Variants in CNTNAP5 observed in about 807,000 individuals in gnomAD.
The protein encoded by CNTNAP5 is contactin associated protein family member 5.
Under a neutral mutation model 150.2 loss-of-function variants are expected in CNTNAP5, and 72 were observed. The observed-to-expected ratio is 0.48, with a 90% CI of 0.40 to 0.58. CNTNAP5 has a LOEUF of 0.58. Ranked by LOEUF, CNTNAP5 falls within the 20% of genes least tolerant of loss-of-function variation. CNTNAP5 has a pLI of 0.00. For synonymous variants in CNTNAP5, 672 were observed against 619.8 expected, an observed-to-expected ratio of 1.08 and a Z score of -1.25; for missense variants, 1,636 against 1,626.2, an observed-to-expected ratio of 1.01 and a Z score of -0.10.
chr2:124,167,242 C>A (rs747021491), intron 1 of CNTNAP5, among the ~76,000 whole-genome samples: 11 of 152,176 alleles, frequency 7.2e-5, no homozygotes, highest in Non-Finnish European at 2.9e-5. Flanking sequence ...ACACATAATT[C>A]ATTAAAACAT....
At chr2:124,504,035 A>T (rs990103769) in intron 7 of CNTNAP5, among the ~76,000 whole-genome samples, 6 of 152,156 alleles carry the variant, frequency 3.9e-5, no homozygotes, top group Non-Finnish European at 7.3e-5. Flanking sequence ...GAAAGTGTGG[A>T]TACTTCCATC....
chr2:124,032,696 A>C (rs973599309), intron 1 of CNTNAP5, among the ~76,000 whole-genome samples: 10 of 152,168 alleles, frequency 6.6e-5, no homozygotes, highest in Non-Finnish European at 1.3e-4. Flanking sequence ...TTACATTTGT[A>C]AAATGTATTC....
At chr2:124,393,007 C>T (rs536248344) in intron 3 of CNTNAP5, among the ~76,000 whole-genome samples, 1 of 152,076 alleles carries the variant, frequency 6.6e-6, no homozygotes, top group Non-Finnish European at 1.5e-5. Flanking sequence ...ATTTTTAACT[C>T]TTATTTTATT....
At chr2:124,530,452 C>T (rs953902601) in intron 10 of CNTNAP5, among the ~76,000 whole-genome samples, 1 of 152,250 alleles carries the variant, frequency 6.6e-6, no homozygotes. Context: ...AAGACCCTGA[C>T]ACCTGCTTCC....
chr2:124,761,531 A>C (rs1680955512), intron 14 of CNTNAP5, among the ~76,000 whole-genome samples: 1 of 152,044 alleles, frequency 6.6e-6, no homozygotes, highest in Non-Finnish European at 1.5e-5. Flanking sequence ...GAATAGCATA[A>C]TTTCCTGTTG....
At chr2:124,651,311 C>A (rs1409836218) in intron 13 of CNTNAP5, among the ~76,000 whole-genome samples, 2 of 152,106 alleles carry the variant, frequency 1.3e-5, no homozygotes, top group Non-Finnish European at 2.9e-5. Flanking sequence ...GCCTTGTGGG[C>A]ATAGATTCTC....
At position 124,915,162 on chromosome 2, in the gene CNTNAP5, G is replaced by A. The variant is rs1678738156; in HGVS notation, c.*874G>A. 2 of 164,308 alleles carry A rather than the reference G, an allele frequency of 1.2e-5. No individual in the cohort carries two copies. Among genetic ancestry groups the A allele is most frequent in the African/African-American group, 4.9e-5 (2 of 40,802 alleles). The allele number at this position is 164,308 out of a possible 1,614,324, so 10.2% of individuals were successfully genotyped here. A position where few individuals can be genotyped will look rare whatever the true frequency, so the allele number is the denominator to read the frequency against. ...TATATATACACACACACACACATAT[G>A]TGTATATATGTATATATATATGTGA... On this transcript the variant is annotated 3_prime_UTR_variant, in exon 24 of 24. Transcript: ENST00000682447.
chr2:124,150,754 C>A (rs939539545), intron 1 of CNTNAP5, among the ~76,000 whole-genome samples: 27 of 152,198 alleles, frequency 1.8e-4, no homozygotes, highest in African/African-American at 5.8e-4. Flanking sequence ...AGAGGTCTAC[C>A]CTGGTGACCT....
In CNTNAP5 at chr2:124,911,634, C is replaced by G. The variant is rs893653980; in HGVS notation, c.3727+96C>G. On this transcript the variant is annotated intron_variant, in intron 23 of 23. Transcript: ENST00000682447. ...GCTTTCCTTAATTATGGCCATCCAG[C>G]ACTCAGAGCCCCCTACATTACCTGC... The G allele has an allele frequency of 8.7e-6, 8 of 920,556 alleles. No individual in the cohort carries two copies. The African/African-American group carries it at 1.3e-4, about 15-fold the overall frequency. 57.0% of individuals were successfully genotyped at this position (920,556 alleles called of 1,614,324 possible).
chr2:124,521,067 C>T lies in CNTNAP5; in HGVS notation c.1328-3236C>T, dbSNP rs796310793. 4.6e-5 allele frequency among the ~76,000 whole-genome samples: 7 copies of T among 152,282 alleles called. No individual in the cohort carries two copies. The East Asian group carries it at 7.7e-4, about 17-fold the overall frequency. ...CCCATGCCTGGGCAGCTCTCCTGGG[C>T]GGGTCCCAATTTCCCAGCTTCTTTC... On this transcript the variant is annotated intron_variant, in intron 8 of 23. Coordinates refer to ENST00000682447, the MANE Select transcript of CNTNAP5 (RefSeq NM_001367498.1).
rs72974560 is a variant in CNTNAP5 at position 124,641,279 on chromosome 2, C to T, written c.1877-6479C>T. On this transcript the variant is annotated intron_variant, in intron 12 of 23. Transcript: ENST00000682447. ...CCGTTTACAGAGGAGGAGACTGAGG[C>T]TGGGGGAGGTGATAGGTCTCTTGCA... Among the ~76,000 whole-genome samples the T allele has an allele frequency of 7.0e-3, 1,059 of 152,044 alleles. 14 individuals carry two copies. The highest frequency in any genetic ancestry group is 0.024 in the African/African-American group (1,006 of 41,474).
At chr2:124,248,756 G>C (rs79507448) in intron 3 of CNTNAP5, among the ~76,000 whole-genome samples, 11,432 of 152,228 alleles carry the variant, frequency 0.075, 596 homozygotes, top group Non-Finnish European at 0.12. Context: ...ACATCACAAG[G>C]ACAGGGAGTC....
intron 21 of CNTNAP5, among the ~76,000 whole-genome samples, chr2:124,884,012 C>T (rs779329605): frequency 1.2e-4 from 18 of 151,972 alleles, no homozygotes; most frequent in East Asian, 1.9e-4. Context: ...TGCCCATGCA[C>T]GTGCATATGT....
chr2:124,518,079 A>G (rs553483175), intron 8 of CNTNAP5, among the ~76,000 whole-genome samples: 7 of 152,022 alleles, frequency 4.6e-5, no homozygotes, highest in Non-Finnish European at 8.8e-5. Context: ...ACTCCTAACA[A>G]ATAATAAGCC....
intron 19 of CNTNAP5, among the ~76,000 whole-genome samples, chr2:124,825,335 C>T (rs1682570274): frequency 6.6e-6 from 1 of 152,118 alleles, no homozygotes; most frequent in South Asian, 2.1e-4. Flanking sequence ...TGAATACTTG[C>T]TTGTGCCCAG....
intron 1 of CNTNAP5, among the ~76,000 whole-genome samples, chr2:124,082,348 CAAAAAAAAAAAAA>C (rs56285830): frequency 5.4e-5 from 4 of 73,576 alleles, no homozygotes; most frequent in Admixed American, 4.4e-4. Context: ...GACTCTCTCT[CAAAAAAAAAAAAA>C]AAAAAAAAAA....
At chr2:124,526,428 C>A (rs2104889100) in intron 9 of CNTNAP5, among the ~76,000 whole-genome samples, 2 of 152,274 alleles carry the variant, frequency 1.3e-5, no homozygotes, top group Middle Eastern at 6.8e-3. Context: ...TTAGAGACGG[C>A]TGAAATAATT....
intron 1 of CNTNAP5, among the ~76,000 whole-genome samples, chr2:124,100,672 C>A (rs1425911758): frequency 6.6e-6 from 1 of 151,310 alleles, no homozygotes; most frequent in Non-Finnish European, 1.5e-5. Context: ...TTGAGACCAG[C>A]CTAGCCAACA....
At chr2:124,857,170 C>T (rs543267424) in intron 19 of CNTNAP5, among the ~76,000 whole-genome samples, 3 of 152,240 alleles carry the variant, frequency 2.0e-5, no homozygotes, top group East Asian at 3.9e-4. Flanking sequence ...CCCATAAGTA[C>T]CCCTCCCACT....
Sources: gnomAD v4.1 joint callset for allele counts (sites outside exome capture counted in the v4.1 genomes callset) on GRCh38, gnomAD v4.1.1 for gene constraint, MANE v1.5 for transcripts, NCBI Gene and HGNC (gene_info 2026-07-23, HGNC 2026-07-21) for gene names.